LMX1B: variants seen among roughly 807,000 people sequenced by gnomAD.
The protein encoded by LMX1B is LIM homeobox transcription factor 1 beta.
LMX1B carries 12 observed loss-of-function variants against 51.4 expected under a neutral mutation model. The ratio of observed to expected loss-of-function variants is 0.23; its 90% CI spans 0.15 to 0.38. The LOEUF (loss-of-function observed/expected upper bound fraction) is 0.38. LMX1B is among the 10% of genes least tolerant of loss of function. The pLI is 1.00. For missense variants in LMX1B, 445 were observed against 571.1 expected, an observed-to-expected ratio of 0.78 and a Z score of 2.25; for synonymous variants, 237 against 235.4, an observed-to-expected ratio of 1.01 and a Z score of -0.06.
intron 2 of LMX1B, among the ~76,000 whole-genome samples, chr9:126,634,684 TG>T (rs1401144204): frequency 6.6e-6 from 1 of 152,164 alleles, no homozygotes; most frequent in Admixed American, 6.5e-5. Context: ...ATCTATAAAA[TG>T]GGTACAGCTA....
intron 3 of LMX1B, among the ~76,000 whole-genome samples, chr9:126,691,673 T>C (rs190871102): frequency 1.3e-3 from 200 of 150,234 alleles, no homozygotes; most frequent in African/African-American, 4.8e-3. Context: ...TCCACAGGGG[T>C]CTTCACCAGC....
intron 2 of LMX1B, among the ~76,000 whole-genome samples, chr9:126,621,780 G>C (rs558557101): frequency 6.7e-6 from 1 of 150,306 alleles, no homozygotes; most frequent in East Asian, 2.0e-4. Flanking sequence ...ATGTTTCAAA[G>C]TTTGTGTAAT....
intron 2 of LMX1B, among the ~76,000 whole-genome samples, chr9:126,617,299 A>AC (rs896254759): frequency 6.6e-6 from 1 of 151,458 alleles, no homozygotes; most frequent in African/African-American, 2.4e-5. Flanking sequence ...TGCCACTTAC[A>AC]CCCAGCTCAG....
intron 2 of LMX1B, among the ~76,000 whole-genome samples, chr9:126,649,747 C>T (rs1022959449): frequency 6.6e-6 from 1 of 152,214 alleles, no homozygotes; most frequent in African/African-American, 2.4e-5. Flanking sequence ...CCATCTCAGC[C>T]TCCCAAGTAG....
At chr9:126,631,451 T>C (rs1835635825) in intron 2 of LMX1B, among the ~76,000 whole-genome samples, 1 of 152,056 alleles carries the variant, frequency 6.6e-6, no homozygotes. Flanking sequence ...TCTGGGCTGC[T>C]GATTCCCAGG....
chr9:126,699,422 C>T lies in LMX1B; in HGVS notation c.*2971C>T, dbSNP rs2030462930. 6.6e-6 allele frequency: 1 copy of T among 152,256 alleles called. No individual in the cohort carries two copies. The highest frequency in any genetic ancestry group is 2.4e-5 in the African/African-American group (1 of 41,436). The allele number at this position is 152,256 out of a possible 1,614,324, so 9.4% of individuals were successfully genotyped here. On this transcript the variant is annotated 3_prime_UTR_variant, in exon 8 of 8. Coordinates refer to ENST00000373474, the MANE Select transcript of LMX1B (RefSeq NM_001174147.2). ...ACAAACCCCCGAATCCAGCCGGGAC[C>T]CCATGCCAGGAGCTGGTCTAGGGAC...
chr9:126,637,822 T>TGGGG (rs1564151130), intron 2 of LMX1B, among the ~76,000 whole-genome samples: 1 of 91,996 alleles, frequency 1.1e-5, no homozygotes. Context: ...GTGCCTGTCC[T>TGGGG]CCCCCCCCCC....
At chr9:126,619,111 C>T (rs1835360841) in intron 2 of LMX1B, among the ~76,000 whole-genome samples, 1 of 152,222 alleles carries the variant, frequency 6.6e-6, no homozygotes, top group Non-Finnish European at 1.5e-5. Flanking sequence ...AGCAGGGGAG[C>T]ATCGAGGCTT....
At chr9:126,692,714 C>G (rs576838785) in intron 3 of LMX1B, among the ~76,000 whole-genome samples, 2 of 152,230 alleles carry the variant, frequency 1.3e-5, no homozygotes, top group Non-Finnish European at 2.9e-5. Flanking sequence ...TGCACACTTT[C>G]GTGTATGTCC....
chr9:126,693,549 C>T lies in LMX1B; in HGVS notation c.767C>T (p.Thr256Met), dbSNP rs999308627. Reference sequence around the variant, plus strand: ...GTCCGAGAGACACTGGCAGCTGAGACGGGCCTCAGTGTGCGCGTGGTCCAG... The same window carrying T: ...GTCCGAGAGACACTGGCAGCTGAGATGGGCCTCAGTGTGCGCGTGGTCCAG... ...RKVRETLAAE[T>M]GLSVRVVQVW... Residue 256 changes from threonine (T) to methionine (M), a missense_variant, in exon 5 of 8, where the codon ACG becomes ATG. Thr to Met is a moderately conservative substitution (Grantham distance 81, BLOSUM62 -1). Coordinates refer to ENST00000373474, the MANE Select transcript of LMX1B (RefSeq NM_001174147.2). 8 of 1,614,126 alleles carry T rather than the reference C, an allele frequency of 5.0e-6. No homozygotes were observed. The highest frequency in any genetic ancestry group is 2.2e-5 in the East Asian group (1 of 44,878).
At chr9:126,617,962 G>A (rs897007725) in intron 2 of LMX1B, among the ~76,000 whole-genome samples, 3 of 152,012 alleles carry the variant, frequency 2.0e-5, no homozygotes, top group African/African-American at 4.8e-5. Flanking sequence ...CCAGTGAGTC[G>A]TTTCACAGGG....
chr9:126,655,528 G>C (rs757942890), intron 2 of LMX1B, among the ~76,000 whole-genome samples: 1 of 152,162 alleles, frequency 6.6e-6, no homozygotes. Context: ...GGCCCTCCAC[G>C]TGGTAAGCAG....
chr9:126,700,547 C>T lies in LMX1B; in HGVS notation c.*4096C>T, dbSNP rs1463501404. The T allele has an allele frequency of 6.6e-6, 1 of 152,526 alleles. No homozygotes were observed. The highest frequency in any genetic ancestry group is 1.5e-5 in the Non-Finnish European group (1 of 68,288). 9.4% of individuals were successfully genotyped at this position (152,526 alleles called of 1,614,324 possible). ...CTGCAGCTCTGGGGCTAAGTCTGCC[C>T]TGGGGGGAAAGGGCTCCACGCTCAC... On this transcript the variant is annotated 3_prime_UTR_variant, in exon 8 of 8. Coordinates refer to ENST00000373474, the MANE Select transcript of LMX1B (RefSeq NM_001174147.2).
chr9:126,657,108 T>G (rs940767072), intron 2 of LMX1B, among the ~76,000 whole-genome samples: 41 of 152,348 alleles, frequency 2.7e-4, no homozygotes, highest in African/African-American at 9.6e-4. Flanking sequence ...CTTGTGCAAT[T>G]TTTTCAATAT....
chr9:126,632,750 C>T (rs536130175), intron 2 of LMX1B, among the ~76,000 whole-genome samples: 22 of 152,278 alleles, frequency 1.4e-4, no homozygotes, highest in Non-Finnish European at 2.9e-4. Context: ...TGGCTAAGGC[C>T]TTGAGGTCCT....
At chr9:126,634,396 C>T (rs1467858392) in intron 2 of LMX1B, among the ~76,000 whole-genome samples, 15 of 152,208 alleles carry the variant, frequency 9.9e-5, no homozygotes, top group Admixed American at 9.8e-4. Flanking sequence ...TTCCTCCCTC[C>T]ACGCCCTGTG....
At chr9:126,654,472 GA>G (rs1836076507) in intron 2 of LMX1B, among the ~76,000 whole-genome samples, 1 of 152,256 alleles carries the variant, frequency 6.6e-6, no homozygotes, top group Non-Finnish European at 1.5e-5. Flanking sequence ...TAGTTTGTGT[GA>G]ATGATGAACA....
chr9:126,667,601 GC>G (rs1242881424), intron 2 of LMX1B, among the ~76,000 whole-genome samples: 2 of 152,238 alleles, frequency 1.3e-5, no homozygotes, highest in Non-Finnish European at 2.9e-5. Flanking sequence ...AGGGGCCGGT[GC>G]TATAGATCTG....
chr9:126,695,312 C>G lies in LMX1B; in HGVS notation c.887-527C>G, dbSNP rs2030285801. Among the ~76,000 whole-genome samples, 2 of 152,216 alleles carry G rather than the reference C, an allele frequency of 1.3e-5. No individual in the cohort carries two copies. The highest frequency in any genetic ancestry group is 1.3e-4 in the Admixed American group (2 of 15,290). On this transcript the variant is annotated intron_variant, in intron 6 of 7. Transcript: ENST00000373474. This position sits in a 1 kb window ranked among gnomAD's most constrained non-coding sequence, Gnocchi z 5.2. The stretch of plus-strand genomic sequence containing the variant: ...CTGTGGTCCCTCTCAGCTGGTCTCC[C>G]CCACACCGACCTCTCTCCCTGCCTC...
Sources: allele counts gnomAD v4.1 joint callset (sites outside exome capture counted in the v4.1 genomes callset), GRCh38; gene constraint gnomAD v4.1.1; non-coding constraint Gnocchi (gnomAD v3.1); transcripts MANE v1.5; gene names NCBI Gene and HGNC (gene_info 2026-07-23, HGNC 2026-07-21).